Variants in LDLRAD4 observed in about 807,000 individuals in gnomAD.
LDLRAD4 encodes the protein low density lipoprotein receptor class A domain containing 4.
A neutral mutation model predicts 17.0 loss-of-function variants in LDLRAD4; 5 were observed. The observed-to-expected ratio is 0.29, with a 90% confidence interval of 0.15 to 0.62. The LOEUF (loss-of-function observed/expected upper bound fraction) is 0.62, where lower values mean the gene tolerates loss of function less well. Among genes scored for constraint, LDLRAD4 ranks in the 20% least tolerant of loss-of-function variants. LDLRAD4 has a pLI of 0.84. For synonymous variants in LDLRAD4, 168 were observed against 171.8 expected, an observed-to-expected ratio of 0.98 and a Z score of 0.17; for missense variants, 340 against 424.7, an observed-to-expected ratio of 0.80 and a Z score of 1.75.
At chr18:13,409,981 G>A (rs1048801862) in intron 2 of LDLRAD4, among the ~76,000 whole-genome samples, 4 of 152,108 alleles carry the variant, frequency 2.6e-5, no homozygotes, top group East Asian at 1.9e-4. Flanking sequence ...ATACCCACAC[G>A]TGGTACCCCA....
At chr18:13,468,602 A>C (rs994323811) in intron 3 of LDLRAD4, among the ~76,000 whole-genome samples, 1 of 152,114 alleles carries the variant, frequency 6.6e-6, no homozygotes, top group African/African-American at 2.4e-5. Context: ...AACCAACCCA[A>C]ATGTCCAACA....
intron 2 of LDLRAD4, among the ~76,000 whole-genome samples, chr18:13,389,840 C>T (rs1257851226): frequency 2.0e-5 from 3 of 152,150 alleles, no homozygotes; most frequent in South Asian, 2.1e-4. Flanking sequence ...TGTGGTTCTG[C>T]CTGGAGGATT....
At chr18:13,463,517 T>C (rs956362401) in intron 3 of LDLRAD4, among the ~76,000 whole-genome samples, 1 of 152,272 alleles carries the variant, frequency 6.6e-6, no homozygotes, top group African/African-American at 2.4e-5. Flanking sequence ...TTAACACATA[T>C]TCTCATCTCC....
chr18:13,526,466 T>A (rs774455941), intron 3 of LDLRAD4: 2 of 152,214 alleles, frequency 1.3e-5, no homozygotes, highest in Non-Finnish European at 2.9e-5. Flanking sequence ...AAAAAAGCAA[T>A]TAAAAAGTCT....
intron 1 of LDLRAD4, among the ~76,000 whole-genome samples, chr18:13,249,357 T>C (rs865811470): frequency 2.6e-5 from 4 of 152,228 alleles, no homozygotes; most frequent in African/African-American, 9.6e-5. Context: ...CAGCTTACAT[T>C]CCCACCAACA....
chr18:13,290,091 G>A (rs2045878920), intron 1 of LDLRAD4, among the ~76,000 whole-genome samples: 1 of 152,234 alleles, frequency 6.6e-6, no homozygotes, highest in Non-Finnish European at 1.5e-5. Context: ...TCTGAGCACA[G>A]CTGGAGGAGC....
intron 1 of LDLRAD4, among the ~76,000 whole-genome samples, chr18:13,309,405 C>T (rs1278905609): frequency 6.6e-6 from 1 of 152,130 alleles, no homozygotes; most frequent in Admixed American, 6.5e-5. Context: ...GCATTCCAGT[C>T]CCAATTTCTC....
In LDLRAD4 at chr18:13,375,192, G is replaced by T. The variant is rs183824637; in HGVS notation, c.-382-12149G>T. 6.4e-4 allele frequency among the ~76,000 whole-genome samples: 97 copies of T among 152,312 alleles called. 1 individual carries two copies. In the East Asian group the frequency reaches 0.012, roughly 18 times the overall value. ...TACCTCTAGGCCAGGGGTCCGTGCA[G>T]CTCTGAATGCAGCCAGGACTCATCT... On this transcript the variant is annotated intron_variant, in intron 1 of 5. Coordinates refer to ENST00000359446, the Ensembl canonical transcript of LDLRAD4.
At chr18:13,414,037 G>A (rs894945663) in intron 2 of LDLRAD4, among the ~76,000 whole-genome samples, 4 of 152,208 alleles carry the variant, frequency 2.6e-5, no homozygotes, top group African/African-American at 9.7e-5. Context: ...GTGGTGTGCT[G>A]GACATATTTT....
At chr18:13,333,486 G>T (rs1057322377) in intron 1 of LDLRAD4, among the ~76,000 whole-genome samples, 10 of 152,184 alleles carry the variant, frequency 6.6e-5, no homozygotes, top group African/African-American at 2.2e-4. Flanking sequence ...AGAAATTGTT[G>T]CCATTCCGCA....
At chr18:13,287,359 C>CA (rs1176615445) in intron 1 of LDLRAD4, among the ~76,000 whole-genome samples, 1 of 152,088 alleles carries the variant, frequency 6.6e-6, no homozygotes, top group Admixed American at 6.5e-5. Flanking sequence ...CATGATTTTT[C>CA]AAAAAACAGT....
At chr18:13,345,832 T>C (rs1441031105) in intron 1 of LDLRAD4, among the ~76,000 whole-genome samples, 1 of 152,194 alleles carries the variant, frequency 6.6e-6, no homozygotes, top group East Asian at 1.9e-4. Context: ...CAGGAATGTA[T>C]CCATTTCTTC....
rs149524458 is a variant in LDLRAD4, at chr18:13,270,097, T to C, written c.-466-8008T>C. ...AAATGTGGAGGCTGGGCATGGTGGC[T>C]CACATCTGACATCTTAGCACTTTGA... On this transcript the variant is annotated intron_variant, in intron 1 of 5. Coordinates refer to the LDLRAD4 transcript ENST00000399848. Among the ~76,000 whole-genome samples the C allele has an allele frequency of 3.2e-3, 484 of 152,234 alleles. 5 individuals carry two copies. The highest frequency in any genetic ancestry group is 0.011 in the African/African-American group (450 of 41,540).
intron 3 of LDLRAD4, among the ~76,000 whole-genome samples, chr18:13,459,529 C>G (rs1173959829): frequency 6.6e-6 from 1 of 151,962 alleles, no homozygotes; most frequent in Non-Finnish European, 1.5e-5. Context: ...ATTATAGGTG[C>G]CCGCAACCAC....
chr18:13,651,418 A>C (rs1246234726), exon 6 of LDLRAD4: 1 of 152,260 alleles, frequency 6.6e-6, no homozygotes, highest in Middle Eastern at 3.2e-3. Context: ...ATGGGTTAGC[A>C]CTAGAAGAGA....
intron 1 of LDLRAD4, among the ~76,000 whole-genome samples, chr18:13,271,893 C>CTTTTTTTTT (rs753254188): frequency 1.3e-5 from 1 of 79,030 alleles, no homozygotes; most frequent in Non-Finnish European, 2.3e-5. Flanking sequence ...CTGTTCAGTG[C>CTTTTTTTTT]TTTTTTTTTT....
chr18:13,371,140 G>A (rs1487350663), intron 1 of LDLRAD4, among the ~76,000 whole-genome samples: 1 of 152,230 alleles, frequency 6.6e-6, no homozygotes, highest in Non-Finnish European at 1.5e-5. Flanking sequence ...CACCAATGCG[G>A]TGGGAGGCTG....
At chr18:13,252,325 C>G (rs1355230488) in intron 1 of LDLRAD4, among the ~76,000 whole-genome samples, 1 of 152,136 alleles carries the variant, frequency 6.6e-6, no homozygotes, top group Non-Finnish European at 1.5e-5. Context: ...GATGGGGTTT[C>G]ATCATGTTGG....
At chr18:13,465,588 C>G (rs949494272) in intron 3 of LDLRAD4, among the ~76,000 whole-genome samples, 2 of 152,184 alleles carry the variant, frequency 1.3e-5, no homozygotes, top group African/African-American at 2.4e-5. Flanking sequence ...CAAAGGGCAG[C>G]CTTTGGCCCT....
Sources: allele counts gnomAD v4.1 joint callset (sites outside exome capture counted in the v4.1 genomes callset), GRCh38; gene constraint gnomAD v4.1.1; transcripts MANE v1.5; gene names NCBI Gene and HGNC (gene_info 2026-07-23, HGNC 2026-07-21).